Variants in CCND3 observed in about 807,000 individuals in gnomAD.
CCND3 encodes the protein cyclin D3, also known as G1/S-specific cyclin-D3.
In CCND3, 9 loss-of-function variants were observed where a neutral mutation model predicts 28.7. The observed-to-expected ratio is 0.31, with a 90% confidence interval of 0.19 to 0.55. CCND3 has a LOEUF of 0.55. Among genes scored for constraint, CCND3 ranks in the 20% least tolerant of loss-of-function variants. The pLI is 0.93. For missense variants in CCND3, 315 were observed against 385.8 expected (o/e 0.82, Z 1.54); for synonymous variants, 164 against 163.9 (o/e 1.00, Z 0.00).
chr6:42,032,785 G>A (rs1294461686), intron 1 of CCND3, among the ~76,000 whole-genome samples: 3 of 152,262 alleles, frequency 2.0e-5, no homozygotes, highest in East Asian at 1.9e-4. Context: ...CCATTTCCAC[G>A]ATGTGCAGAC....
chr6:41,942,348 T>G (rs1343658150), upstream of CCND3, among the ~76,000 whole-genome samples: 1 of 152,186 alleles, frequency 6.6e-6, no homozygotes, highest in Non-Finnish European at 1.5e-5. Flanking sequence ...CCATTGCTAG[T>G]TAAACTGTGA....
At chr6:41,976,417 TGAGATAGGAGGATG>T (rs754931523) in intron 1 of CCND3, among the ~76,000 whole-genome samples, 4 of 151,988 alleles carry the variant, frequency 2.6e-5, no homozygotes, top group Admixed American at 6.6e-5. Flanking sequence ...CTCTGGGGCT[TGAGATAGGAGGATG>T]GCTTGAGCCC....
At chr6:41,963,360 C>G (rs2127405051) in intron 1 of CCND3, among the ~76,000 whole-genome samples, 2 of 152,326 alleles carry the variant, frequency 1.3e-5, no homozygotes, top group African/African-American at 2.4e-5. Flanking sequence ...CCCACAGAGG[C>G]TACCCTAATT....
intron 1 of CCND3, among the ~76,000 whole-genome samples, chr6:41,993,410 C>CTTTTTTTTTTTT (rs70987558): frequency 2.0e-5 from 2 of 101,692 alleles, no homozygotes; most frequent in Non-Finnish European, 3.9e-5. Context: ...CTCATGTCTT[C>CTTTTTTTTTTTT]TTTTTTTTTT....
intron 1 of CCND3, among the ~76,000 whole-genome samples, chr6:41,984,844 G>A (rs997870114): frequency 1.6e-4 from 25 of 152,156 alleles, no homozygotes; most frequent in African/African-American, 5.5e-4. Context: ...ATGTTAATTT[G>A]CATTTCTCTG....
chr6:42,009,342 T>A (rs1344852159), intron 1 of CCND3, among the ~76,000 whole-genome samples: 1 of 152,094 alleles, frequency 6.6e-6, no homozygotes, highest in Admixed American at 6.5e-5. Context: ...CCAGAAGCGG[T>A]GGCTCACACC....
intron 1 of CCND3, among the ~76,000 whole-genome samples, chr6:41,967,547 G>C (rs1761920512): frequency 6.6e-6 from 1 of 152,190 alleles, no homozygotes; most frequent in Non-Finnish European, 1.5e-5. Context: ...ACCTGCACAT[G>C]AATCATTTGG....
intron 1 of CCND3, among the ~76,000 whole-genome samples, chr6:42,012,878 A>G (rs951615315): frequency 6.6e-6 from 1 of 152,178 alleles, no homozygotes; most frequent in Non-Finnish European, 1.5e-5. Flanking sequence ...GGCTCTTCTT[A>G]TATACTTCTG....
In CCND3 at chr6:42,037,732, C is replaced by A. The variant is rs544040645; in HGVS notation, c.-46+10769G>T. On this transcript the variant is annotated intron_variant, in intron 1 of 4. Transcript: ENST00000372988. The stretch of plus-strand genomic sequence containing the variant: ...CGGGTGCACCGATTATTAGGTATAG[C>A]CTAAAAAACAAAAGTTCTGGCCAGG... Among the ~76,000 whole-genome samples, 5 of 151,724 alleles carry A rather than the reference C, an allele frequency of 3.3e-5. No homozygotes were observed. The East Asian group carries it at 5.8e-4, about 18-fold the overall frequency.
chr6:41,998,752 T>C (rs1762893198), intron 1 of CCND3, among the ~76,000 whole-genome samples: 1 of 151,944 alleles, frequency 6.6e-6, no homozygotes, highest in Non-Finnish European at 1.5e-5. Flanking sequence ...CGATCTTGCC[T>C]CACCGCAACC....
intron 1 of CCND3, among the ~76,000 whole-genome samples, chr6:41,954,250 TAAAAA>T (rs34556754): frequency 0.013 from 464 of 35,128 alleles, 13 homozygotes; most frequent in East Asian, 0.026. Context: ...GATTCTGCCT[TAAAAA>T]AAAAAAAAAA....
chr6:41,998,836 C>A (rs978837031), intron 1 of CCND3, among the ~76,000 whole-genome samples: 3 of 151,506 alleles, frequency 2.0e-5, no homozygotes, highest in Non-Finnish European at 2.9e-5. Context: ...TGTGCCACCA[C>A]ACCTGGTTAA....
intron 1 of CCND3, among the ~76,000 whole-genome samples, chr6:42,034,541 G>A (rs1582186634): frequency 7.3e-6 from 1 of 136,650 alleles, no homozygotes; most frequent in Admixed American, 8.1e-5. Context: ...GCAGTGGTGC[G>A]ATCTCGGCTC....
rs1275985394 is a variant in CCND3, at chr6:41,977,370, A to AT, written c.-45-36786dup. 2.0e-5 allele frequency among the ~76,000 whole-genome samples: 3 copies of AT among 152,082 alleles called. No homozygotes were observed. In the East Asian group the frequency reaches 5.8e-4, roughly 29 times the overall value. ...GGCTCAGAACAAATAACTGTACTTT[A>AT]TTTTTTTCTTTTTTGAGACAGAGTC... On this transcript the variant is annotated intron_variant, in intron 1 of 4. Coordinates refer to the CCND3 transcript ENST00000372988.
intron 1 of CCND3, among the ~76,000 whole-genome samples, chr6:42,004,584 T>A (rs768159311): frequency 1.3e-4 from 19 of 151,824 alleles, no homozygotes; most frequent in Non-Finnish European, 2.4e-4. Context: ...TACAAAAAAA[T>A]AGCCAGGTGT....
rs1776007284 is a variant in CCND3, at chr6:41,941,329, C to T, written c.198+123G>A. 2 of 1,496,024 alleles carry T rather than the reference C, an allele frequency of 1.3e-6. No individual in the cohort carries two copies. The highest frequency in any genetic ancestry group is 1.8e-6 in the Non-Finnish European group (2 of 1,125,588). The allele number at this position is 1,496,024 out of a possible 1,614,324, so 92.7% of individuals were successfully genotyped here. On this transcript the variant is annotated intron_variant, in intron 1 of 4. Coordinates refer to ENST00000372991, the MANE Select transcript of CCND3 (RefSeq NM_001760.5). The surrounding 1 kb of genome is among the most constrained non-coding windows in gnomAD (Gnocchi z 6.1). ...TGGGTGCCCTAGTGAAAGGCCAGGCCCCGGGAGTCTTAGCCTCGGAGCATC... is the reference window on the plus strand; with the variant it reads ...TGGGTGCCCTAGTGAAAGGCCAGGCTCCGGGAGTCTTAGCCTCGGAGCATC...
chr6:41,993,406 T>A (rs762335370), intron 1 of CCND3, among the ~76,000 whole-genome samples: 3 of 116,162 alleles, frequency 2.6e-5, no homozygotes, highest in Admixed American at 1.1e-4. Flanking sequence ...TAAGCTCATG[T>A]CTTCTTTTTT....
chr6:41,996,171 TG>T (rs1420829894), intron 1 of CCND3, among the ~76,000 whole-genome samples: 15 of 148,952 alleles, frequency 1.0e-4, no homozygotes, highest in Non-Finnish European at 1.8e-4. Context: ...TTGTTTGACA[TG>T]GACTTTCACT....
chr6:41,962,652 G>C (rs1449635662), intron 1 of CCND3, among the ~76,000 whole-genome samples: 1 of 152,228 alleles, frequency 6.6e-6, no homozygotes, highest in Admixed American at 6.5e-5. Context: ...AGGAGGCTTA[G>C]GTGGGAAGAT....
Sources: allele counts gnomAD v4.1 joint callset (sites outside exome capture counted in the v4.1 genomes callset), GRCh38; gene constraint gnomAD v4.1.1; non-coding constraint Gnocchi (gnomAD v3.1); transcripts MANE v1.5; gene names NCBI Gene and HGNC (gene_info 2026-07-23, HGNC 2026-07-21).